CCDC69: variants seen among roughly 807,000 people sequenced by gnomAD.
The protein encoded by CCDC69 is coiled-coil domain containing 69, also known as coiled-coil domain-containing protein 69.
CCDC69 carries 38 observed loss-of-function variants against 40.3 expected under a neutral mutation model. The observed-to-expected ratio is 0.94, with a 90% CI of 0.73 to 1.24. The LOEUF is 1.24. Among genes scored for constraint, CCDC69 ranks in the 50% most tolerant of loss-of-function variants. CCDC69 has a pLI of 0.00. For missense variants in CCDC69, 389 were observed against 357.9 expected (o/e 1.09, Z -0.70); for synonymous variants, 141 against 138.9 (o/e 1.02, Z -0.11).
chr5:151,189,001 C>T (rs1401300354), intron 4 of CCDC69, among the ~76,000 whole-genome samples: 1 of 152,118 alleles, frequency 6.6e-6, no homozygotes, highest in Non-Finnish European at 1.5e-5. Context: ...TTTAAATGTC[C>T]AGGATACAAC....
intron 4 of CCDC69, among the ~76,000 whole-genome samples, chr5:151,197,402 G>T (rs563733457): frequency 6.6e-6 from 1 of 152,054 alleles, no homozygotes; most frequent in Admixed American, 6.6e-5. Flanking sequence ...GGTGGCACGC[G>T]CCTGTAGCTA....
chr5:151,219,349 G>A (rs1349721946), intron 1 of CCDC69, among the ~76,000 whole-genome samples: 2 of 151,672 alleles, frequency 1.3e-5, no homozygotes, highest in Non-Finnish European at 2.9e-5. Context: ...CAGCCAAGAT[G>A]CTGTCTCTCT....
intron 2 of CCDC69, among the ~76,000 whole-genome samples, chr5:151,203,400 C>T (rs1252429768): frequency 6.6e-6 from 1 of 151,532 alleles, no homozygotes; most frequent in East Asian, 1.9e-4. Context: ...ATCCCAGCTA[C>T]TCGGGAGGCT....
chr5:151,190,942 G>A (rs1156922537), intron 4 of CCDC69, among the ~76,000 whole-genome samples: 1 of 151,850 alleles, frequency 6.6e-6, no homozygotes, highest in African/African-American at 2.4e-5. Context: ...TAAATTAAAT[G>A]GCTTAAACAT....
chr5:151,196,323 A>G (rs1474576863), intron 4 of CCDC69, among the ~76,000 whole-genome samples: 1 of 151,886 alleles, frequency 6.6e-6, no homozygotes, highest in African/African-American at 2.4e-5. Flanking sequence ...ACCACACCAG[A>G]CTAATTTTAT....
chr5:151,188,874 A>G (rs1752564829), intron 4 of CCDC69, among the ~76,000 whole-genome samples: 1 of 152,292 alleles, frequency 6.6e-6, no homozygotes, highest in Admixed American at 6.5e-5. Flanking sequence ...TGAATTCTGC[A>G]GTTATTTGCA....
chr5:151,201,581 C>A lies in CCDC69; in HGVS notation c.231+1G>T. On this transcript the variant is annotated splice_donor_variant, in intron 3 of 8. Transcript: ENST00000355417. LOFTEE classifies it high-confidence loss of function. ...CAGGGGGTGGGGGCACCTGGACTTACCTGTTGTGCCCATTTCTTCTTTTCC... is the reference window on the plus strand; with the variant it reads ...CAGGGGGTGGGGGCACCTGGACTTAACTGTTGTGCCCATTTCTTCTTTTCC... The A allele has an allele frequency of 1.2e-6, 2 of 1,605,038 alleles. No homozygotes were observed. Among genetic ancestry groups the A allele is most frequent in the Non-Finnish European group, 8.5e-7 (1 of 1,172,302 alleles).
chr5:151,222,598 T>C (rs146105591), intron 1 of CCDC69, among the ~76,000 whole-genome samples: 299 of 152,238 alleles, frequency 2.0e-3, no homozygotes, highest in Admixed American at 9.7e-3. Flanking sequence ...ACCCAGTATG[T>C]TTATGGCACC....
At chr5:151,207,432 C>G (rs1170566368) in intron 1 of CCDC69, among the ~76,000 whole-genome samples, 1 of 151,988 alleles carries the variant, frequency 6.6e-6, no homozygotes, top group Non-Finnish European at 1.5e-5. Flanking sequence ...GCTGGGACTA[C>G]AGGCGCCCGC....
chr5:151,183,146 T>C lies in CCDC69; in HGVS notation c.*291A>G, dbSNP rs906209800. On this transcript the variant is annotated 3_prime_UTR_variant, in exon 9 of 9. Coordinates refer to ENST00000355417, the MANE Select transcript of CCDC69 (RefSeq NM_015621.3). ...GACACAGACTGCCCCTGGGAAAGCC[T>C]CGGAACTTCTCGGATTGGGACAGAG... 3.5e-6 allele frequency: 2 copies of C among 568,116 alleles called. No homozygotes were observed. The highest frequency in any genetic ancestry group is 3.7e-5 in the African/African-American group (2 of 54,092). 35.2% of individuals were successfully genotyped at this position (568,116 alleles called of 1,614,324 possible).
At chr5:151,203,252 G>A (rs1396166120) in intron 2 of CCDC69, among the ~76,000 whole-genome samples, 2 of 152,018 alleles carry the variant, frequency 1.3e-5, no homozygotes, top group African/African-American at 4.8e-5. Context: ...GCTCACACCT[G>A]TAATCCCAGC....
At chr5:151,220,882 C>G (rs187575) in intron 1 of CCDC69, among the ~76,000 whole-genome samples, 117,021 of 151,862 alleles carry the variant, frequency 0.77, 46,412 homozygotes, top group East Asian at 1. Flanking sequence ...TGGCTGGCAA[C>G]TCCCCAGAAG....
Position 151,201,658 on chromosome 5 carries a change from T to C in CCDC69, c.155A>G (p.Glu52Gly). The change falls in exon 3 of 9, where the codon GAG becomes GGG. Residue 52 changes from glutamate (E) to glycine (G), a missense_variant. Transcript: ENST00000355417. ...TATATCCTTCTGGTGCCGCTCAGCC[T>C]CCTCTGATGCACAGAGCTGGACAGT... The part of the protein sequence containing the change: ...AITVQLCASE[E>G]AERHQKDITR... 6.2e-7 allele frequency: 1 copy of C among 1,613,302 alleles called. No homozygotes were observed. The highest frequency in any genetic ancestry group is 8.5e-7 in the Non-Finnish European group (1 of 1,179,594).
In CCDC69 at chr5:151,223,904, C is replaced by A; in HGVS notation, c.48+19G>T. ...TCCCCTCTCCTCTGAAAGCAAACTT[C>A]TCCGCCGGCGCCCTTTACCTTTTTC... On this transcript the variant is annotated intron_variant, in intron 1 of 8. Transcript: ENST00000355417. 2 of 1,589,774 alleles carry A rather than the reference C, an allele frequency of 1.3e-6. No individual in the cohort carries two copies. Among genetic ancestry groups the A allele is most frequent in the Non-Finnish European group, 1.7e-6 (2 of 1,169,738 alleles).
chr5:151,201,542 G>A, intron 3 of CCDC69, 40 bp downstream of exon 3: 1 of 1,390,124 alleles, frequency 7.2e-7, no homozygotes, highest in East Asian at 2.3e-5. Context: ...AAAGTTAGCT[G>A]AGCAGGAGAA....
intron 1 of CCDC69, among the ~76,000 whole-genome samples, chr5:151,221,505 C>G (rs1753134285): frequency 6.6e-6 from 1 of 152,228 alleles, no homozygotes; most frequent in Non-Finnish European, 1.5e-5. Context: ...GTCCCTCATT[C>G]ACTCAAATAT....
intron 4 of CCDC69, 70 bp downstream of exon 4, chr5:151,198,927 G>T: frequency 8.8e-7 from 1 of 1,130,504 alleles, no homozygotes; most frequent in Non-Finnish European, 1.4e-6. Flanking sequence ...GTGCCCAGGT[G>T]AACTGGGCAG....
At chr5:151,184,224 C>A in intron 8 of CCDC69, 120 bp downstream of exon 8, 1 of 722,258 alleles carries the variant, frequency 1.4e-6, no homozygotes, top group East Asian at 2.5e-5. Context: ...AGCCACATTC[C>A]CTAAATAGGC....
intron 2 of CCDC69, 137 bp from the exon 3 acceptor site, chr5:151,201,825 G>C (rs1350144192): frequency 1.7e-5 from 9 of 536,840 alleles, no homozygotes; most frequent in Non-Finnish European, 9.8e-6. Flanking sequence ...GATTTCGGGT[G>C]GGACCAGTCT....
Sources: gnomAD v4.1 joint callset for allele counts (sites outside exome capture counted in the v4.1 genomes callset) on GRCh38, gnomAD v4.1.1 for gene constraint, MANE v1.5 for transcripts, NCBI Gene and HGNC (gene_info 2026-07-23, HGNC 2026-07-21) for gene names.